Variants in CDYL2 observed in about 807,000 individuals in gnomAD.
CDYL2 encodes the protein chromodomain Y-like protein 2.
In CDYL2, 23 loss-of-function variants were observed where a neutral mutation model predicts 49.4. That is an observed-to-expected ratio of 0.47 (90% CI 0.34 to 0.66). The LOEUF (loss-of-function observed/expected upper bound fraction) is 0.66, where lower values mean the gene tolerates loss of function less well. Among genes scored for constraint, CDYL2 ranks in the 30% least tolerant of loss-of-function variants. CDYL2 has a pLI of 0.01. For missense variants in CDYL2, 678 were observed against 656.4 expected, an observed-to-expected ratio of 1.03 and a Z score of -0.36; for synonymous variants, 360 against 268.8, an observed-to-expected ratio of 1.34 and a Z score of -3.32.
intron 1 of CDYL2, among the ~76,000 whole-genome samples, chr16:80,700,343 A>G (rs1904294208): frequency 6.6e-6 from 1 of 152,256 alleles, no homozygotes; most frequent in South Asian, 2.1e-4. Flanking sequence ...AAATTTCACT[A>G]AACTATAATT....
intron 4 of CDYL2, among the ~76,000 whole-genome samples, chr16:80,619,793 A>T (rs1203543744): frequency 6.6e-6 from 1 of 152,160 alleles, no homozygotes; most frequent in Non-Finnish European, 1.5e-5. Flanking sequence ...TGGCTGCTTC[A>T]CCCTGAAGAG....
intron 2 of CDYL2, among the ~76,000 whole-genome samples, chr16:80,642,727 C>T (rs1435304247): frequency 6.6e-6 from 1 of 152,044 alleles, no homozygotes; most frequent in Non-Finnish European, 1.5e-5. Flanking sequence ...AAAGTGGAAA[C>T]CCTTGATAAA....
intron 1 of CDYL2, among the ~76,000 whole-genome samples, chr16:80,705,432 A>T (rs1904373325): frequency 6.6e-6 from 1 of 152,230 alleles, no homozygotes. Context: ...GGCCTCTACA[A>T]GAACCCACTG....
intron 1 of CDYL2, among the ~76,000 whole-genome samples, chr16:80,781,842 T>C (rs748872428): frequency 6.6e-6 from 1 of 151,878 alleles, no homozygotes. Context: ...AGGAAATATC[T>C]TGAGACAAAA....
chr16:80,599,958 C>T lies in CDYL2; in HGVS notation c.*4430G>A, dbSNP rs1906009355. Reference sequence around the variant, plus strand: ...CCATGAATTACAGACTGCATTCAGTCCATCAGCATGGCTTACGTTGCATGG... The same window carrying T: ...CCATGAATTACAGACTGCATTCAGTTCATCAGCATGGCTTACGTTGCATGG... On this transcript the variant is annotated 3_prime_UTR_variant, in exon 7 of 7. Coordinates refer to ENST00000570137, the MANE Select transcript of CDYL2 (RefSeq NM_152342.4). 6.6e-6 allele frequency: 1 copy of T among 152,216 alleles called. No individual in the cohort carries two copies. The highest frequency in any genetic ancestry group is 6.5e-5 in the Admixed American group (1 of 15,288). 9.4% of individuals were successfully genotyped at this position (152,216 alleles called of 1,614,324 possible). A position where few individuals can be genotyped will look rare whatever the true frequency, so the allele number is the denominator to read the frequency against.
chr16:80,730,401 G>A (rs1905287134), intron 1 of CDYL2, among the ~76,000 whole-genome samples: 1 of 152,040 alleles, frequency 6.6e-6, no homozygotes, highest in Non-Finnish European at 1.5e-5. Context: ...GACTAAACCA[G>A]GAAGAAGTTG....
At chr16:80,611,336 C>A (rs1476986937) in intron 5 of CDYL2, among the ~76,000 whole-genome samples, 1 of 152,116 alleles carries the variant, frequency 6.6e-6, no homozygotes, top group Non-Finnish European at 1.5e-5. Flanking sequence ...GAGGGGACTC[C>A]CTGAGAACCT....
intron 1 of CDYL2, among the ~76,000 whole-genome samples, chr16:80,801,082 A>G (rs1597139854): frequency 6.6e-6 from 1 of 152,258 alleles, no homozygotes; most frequent in Admixed American, 6.5e-5. Flanking sequence ...CCTGGCTCAC[A>G]GGCTGCCACT....
At chr16:80,607,307 A>C (rs1357532040) in intron 6 of CDYL2, among the ~76,000 whole-genome samples, 1 of 152,150 alleles carries the variant, frequency 6.6e-6, no homozygotes, top group Non-Finnish European at 1.5e-5. Flanking sequence ...GTAGGTGCCA[A>C]CAGTCAGGGA....
chr16:80,784,039 A>T (rs1567605737), intron 1 of CDYL2, among the ~76,000 whole-genome samples: 1 of 152,242 alleles, frequency 6.6e-6, no homozygotes, highest in Non-Finnish European at 1.5e-5. Context: ...AATGGAAAAT[A>T]CTATGTTATA....
intron 1 of CDYL2, among the ~76,000 whole-genome samples, chr16:80,752,307 G>A (rs965449424): frequency 6.6e-6 from 1 of 152,118 alleles, no homozygotes; most frequent in African/African-American, 2.4e-5. Context: ...GGGAAAGTCT[G>A]TGTCTGTCTG....
intron 2 of CDYL2, among the ~76,000 whole-genome samples, chr16:80,637,953 T>A (rs1318613103): frequency 6.6e-6 from 1 of 152,166 alleles, no homozygotes; most frequent in Admixed American, 6.5e-5. Flanking sequence ...AAACAGGAAA[T>A]ACGTAGATAT....
intron 1 of CDYL2, among the ~76,000 whole-genome samples, chr16:80,700,991 G>A (rs1015687954): frequency 3.3e-5 from 5 of 152,204 alleles, no homozygotes; most frequent in African/African-American, 9.7e-5. Context: ...GGGACTCGGC[G>A]GGCAGAAGAT....
At position 80,761,575 on chromosome 16, in the gene CDYL2, G is replaced by T. The variant is rs111431143; in HGVS notation, c.24+42575C>A. On this transcript the variant is annotated intron_variant, in intron 1 of 6. Transcript: ENST00000570137. ...CTCCCTGTAGATCAGAATCACCTGC[G>T]GAGCCTTTTCAACACATCATCCTTT... Among the ~76,000 whole-genome samples, 58 of 152,158 alleles carry T rather than the reference G, an allele frequency of 3.8e-4. 1 individual carries two copies. Among genetic ancestry groups the T allele is most frequent in the Middle Eastern group, 3.4e-3 (1 of 292 alleles).
At chr16:80,759,874 G>C (rs775985823) in intron 1 of CDYL2, among the ~76,000 whole-genome samples, 3 of 137,800 alleles carry the variant, frequency 2.2e-5, no homozygotes, top group Non-Finnish European at 4.6e-5. Context: ...GAAAGAGCTT[G>C]AACTGTATTT....
chr16:80,680,405 G>A lies in CDYL2; in HGVS notation c.616+4133C>T, dbSNP rs553060227. 1.2e-4 allele frequency among the ~76,000 whole-genome samples: 19 copies of A among 152,306 alleles called. No individual in the cohort carries two copies. The South Asian group carries it at 3.1e-3, about 25-fold the overall frequency. ...CCTGGTAATTTGGAGAACGCTGCAAGTCTTTATGCTATTCTAGGGCTCAAA... is the reference window on the plus strand; with the variant it reads ...CCTGGTAATTTGGAGAACGCTGCAAATCTTTATGCTATTCTAGGGCTCAAA... On this transcript the variant is annotated intron_variant, in intron 2 of 6. Coordinates refer to ENST00000570137, the MANE Select transcript of CDYL2 (RefSeq NM_152342.4).
At chr16:80,645,360 T>C (rs1908291259) in intron 2 of CDYL2, among the ~76,000 whole-genome samples, 1 of 152,202 alleles carries the variant, frequency 6.6e-6, no homozygotes, top group African/African-American at 2.4e-5. Flanking sequence ...AAGACATTTA[T>C]GCAGCCAAAA....
intron 1 of CDYL2, among the ~76,000 whole-genome samples, chr16:80,753,829 T>C (rs79722112): frequency 0.018 from 2,684 of 152,124 alleles, 74 homozygotes; most frequent in African/African-American, 0.061. Flanking sequence ...AAAGACACAA[T>C]TAAAAGAATA....
At position 80,612,672 on chromosome 16, in the gene CDYL2, G is replaced by T; in HGVS notation, c.1172C>A (p.Ala391Asp). Residue 391 changes from alanine (A) to aspartate (D), a missense_variant, in exon 5 of 7, where the codon GCT becomes GAT. Transcript: ENST00000570137. This position sits in a 1 kb window ranked among gnomAD's most constrained non-coding sequence, Gnocchi z 5.0. ...TPYATIRLTPAGCSSYTFPQI... is the reference protein window; with the variant it reads ...TPYATIRLTPDGCSSYTFPQI... ...GGGGAAGGTGTAGGAGGAGCAGCCA[G>T]CAGGCGTGAGGCGGATGGTGGCGTA... 6.2e-7 allele frequency: 1 copy of T among 1,613,032 alleles called. No individual in the cohort carries two copies. Among genetic ancestry groups the T allele is most frequent in the African/African-American group, 1.3e-5 (1 of 75,016 alleles).
Sources: gnomAD v4.1 joint callset for allele counts (sites outside exome capture counted in the v4.1 genomes callset) on GRCh38, gnomAD v4.1.1 for gene constraint, Gnocchi (gnomAD v3.1) non-coding constraint, MANE v1.5 for transcripts, NCBI Gene and HGNC (gene_info 2026-07-23, HGNC 2026-07-21) for gene names.